Variants in CCDC91 observed in about 807,000 individuals in gnomAD.
The protein encoded by CCDC91 is coiled-coil domain containing 91.
Under a neutral mutation model 63.2 loss-of-function variants are expected in CCDC91, and 48 were observed. That is an observed-to-expected ratio of 0.76 (90% CI 0.60 to 0.97). CCDC91 has a LOEUF of 0.97. Ranked by LOEUF, CCDC91 falls within the 50% of genes least tolerant of loss-of-function variation. CCDC91 has a pLI of 0.00. For synonymous variants in CCDC91, 167 were observed against 165.8 expected (o/e 1.01, Z -0.06); for missense variants, 500 against 494.6 (o/e 1.01, Z -0.10).
At chr12:28,442,289 T>C (rs985481535) in intron 8 of CCDC91, among the ~76,000 whole-genome samples, 3 of 152,146 alleles carry the variant, frequency 2.0e-5, no homozygotes, top group Non-Finnish European at 4.4e-5. Context: ...CAGGCATTCA[T>C]GAAAATTCGT....
chr12:28,317,630 A>G (rs1256419226), intron 6 of CCDC91, among the ~76,000 whole-genome samples: 6 of 151,986 alleles, frequency 3.9e-5, no homozygotes, highest in Non-Finnish European at 8.8e-5. Flanking sequence ...AATTGATCAT[A>G]CATTTGCCTA....
At chr12:28,513,586 G>A (rs1245390963) in intron 12 of CCDC91, among the ~76,000 whole-genome samples, 1 of 151,820 alleles carries the variant, frequency 6.6e-6, no homozygotes, top group African/African-American at 2.4e-5. Flanking sequence ...TCCCAAGAGG[G>A]ATACTCAACC....
chr12:28,197,468 G>C (rs1413976888), intron 1 of CCDC91, among the ~76,000 whole-genome samples: 2 of 151,958 alleles, frequency 1.3e-5, no homozygotes, highest in East Asian at 3.8e-4. Context: ...AACCCTTTAT[G>C]TATGTTGTTT....
At chr12:28,523,756 G>T (rs967270470) in intron 12 of CCDC91, among the ~76,000 whole-genome samples, 38 of 152,178 alleles carry the variant, frequency 2.5e-4, no homozygotes, top group Admixed American at 1.4e-3. Context: ...AGGAGCTCTT[G>T]TAAGGCAGGC....
chr12:28,233,004 G>A (rs993955631), intron 1 of CCDC91, among the ~76,000 whole-genome samples: 2 of 151,330 alleles, frequency 1.3e-5, no homozygotes, highest in Non-Finnish European at 2.9e-5. Flanking sequence ...ATCATTACTG[G>A]TTTTTGTTTC....
At chr12:28,454,492 T>G (rs1401670721) in intron 11 of CCDC91, among the ~76,000 whole-genome samples, 1 of 152,100 alleles carries the variant, frequency 6.6e-6, no homozygotes, top group Non-Finnish European at 1.5e-5. Flanking sequence ...TTTGGACACG[T>G]AGTCCAGCTC....
At chr12:28,500,952 T>C (rs906321732) in intron 12 of CCDC91, among the ~76,000 whole-genome samples, 3 of 151,856 alleles carry the variant, frequency 2.0e-5, no homozygotes, top group African/African-American at 7.2e-5. Context: ...TCATATATAC[T>C]TCAGGTTCTT....
chr12:28,220,417 G>A (rs1421318778), intron 1 of CCDC91, among the ~76,000 whole-genome samples: 1 of 151,870 alleles, frequency 6.6e-6, no homozygotes. Context: ...GTATTGATAT[G>A]CAATTTACTT....
intron 8 of CCDC91, among the ~76,000 whole-genome samples, chr12:28,430,924 C>T (rs917448383): frequency 6.6e-6 from 1 of 152,148 alleles, no homozygotes; most frequent in Non-Finnish European, 1.5e-5. Flanking sequence ...GAGAAATGCT[C>T]TGCCCATGGC....
At chr12:28,395,168 G>A (rs1318774261) in intron 8 of CCDC91, among the ~76,000 whole-genome samples, 3 of 152,152 alleles carry the variant, frequency 2.0e-5, no homozygotes, top group African/African-American at 7.2e-5. Context: ...TGGTGTCACT[G>A]TTGTATATGA....
At chr12:28,385,308 A>G (rs1458487108) in intron 7 of CCDC91, among the ~76,000 whole-genome samples, 1 of 152,184 alleles carries the variant, frequency 6.6e-6, no homozygotes, top group East Asian at 1.9e-4. Context: ...AAAAGTTTTA[A>G]TAATTTCTGT....
At chr12:28,485,684 CA>C (rs1951689000) in intron 12 of CCDC91, among the ~76,000 whole-genome samples, 3 of 152,150 alleles carry the variant, frequency 2.0e-5, no homozygotes, top group Admixed American at 2.0e-4. Flanking sequence ...CATTTTCACT[CA>C]AACAAATTCC....
intron 6 of CCDC91, among the ~76,000 whole-genome samples, chr12:28,318,440 C>T (rs1195859509): frequency 6.6e-6 from 1 of 151,756 alleles, no homozygotes; most frequent in African/African-American, 2.4e-5. Context: ...ACTTGGTAGG[C>T]TGAGACTAAA....
intron 6 of CCDC91, among the ~76,000 whole-genome samples, chr12:28,325,575 T>G (rs900533103): frequency 2.0e-5 from 3 of 151,510 alleles, no homozygotes; most frequent in African/African-American, 7.3e-5. Flanking sequence ...AGTATTGGAG[T>G]AGAGGAGGGG....
chr12:28,466,307 A>G (rs995062639), intron 11 of CCDC91, among the ~76,000 whole-genome samples: 1 of 152,202 alleles, frequency 6.6e-6, no homozygotes, highest in Non-Finnish European at 1.5e-5. Context: ...CAAAGGTATA[A>G]TAACAGAAAT....
chr12:28,520,815 T>C (rs368372771), intron 12 of CCDC91, among the ~76,000 whole-genome samples: 2 of 152,222 alleles, frequency 1.3e-5, no homozygotes, highest in African/African-American at 4.8e-5. Context: ...CCAGCACCAT[T>C]CATTAAATAG....
intron 1 of CCDC91, among the ~76,000 whole-genome samples, chr12:28,215,285 A>G (rs1157721546): frequency 1.3e-5 from 2 of 152,190 alleles, no homozygotes; most frequent in South Asian, 2.1e-4. Flanking sequence ...TGCTGACTGC[A>G]TATCTTTGGA....
intron 1 of CCDC91, among the ~76,000 whole-genome samples, chr12:28,231,719 G>A (rs1375940385): frequency 6.6e-6 from 1 of 152,086 alleles, no homozygotes; most frequent in Non-Finnish European, 1.5e-5. Flanking sequence ...GAATATTGTA[G>A]TATTATGGTG....
chr12:28,410,248 A>G (rs1327207324), intron 8 of CCDC91, among the ~76,000 whole-genome samples: 2 of 152,214 alleles, frequency 1.3e-5, no homozygotes, highest in East Asian at 3.9e-4. Context: ...TCTTCTTTAT[A>G]TATTTGTCCC....
Sources: allele counts gnomAD v4.1 joint callset (sites outside exome capture counted in the v4.1 genomes callset), GRCh38; gene constraint gnomAD v4.1.1; transcripts MANE v1.5; gene names NCBI Gene and HGNC (gene_info 2026-07-23, HGNC 2026-07-21).